Variants in PKD2L2 observed in about 807,000 individuals in gnomAD.
The protein encoded by PKD2L2 is polycystin 2 like 2, transient receptor potential cation channel.
Under a neutral mutation model 83.9 loss-of-function variants are expected in PKD2L2, and 67 were observed. The observed-to-expected ratio is 0.80, with a 90% CI of 0.66 to 0.98. PKD2L2 has a LOEUF of 0.98. PKD2L2 is among the 50% of genes least tolerant of loss of function. The pLI is 0.00. For missense variants in PKD2L2, 632 were observed against 717.2 expected (o/e 0.88, Z 1.36); for synonymous variants, 223 against 237.8 (o/e 0.94, Z 0.57).
intron 4 of PKD2L2, among the ~76,000 whole-genome samples, chr5:137,898,805 C>T (rs2150008076): frequency 6.6e-6 from 1 of 151,832 alleles, no homozygotes. Flanking sequence ...AATCATAGCT[C>T]AGTGCGGCCT....
intron 14 of PKD2L2, chr5:137,939,985 CAT>C (rs966757137): frequency 1.4e-5 from 22 of 1,563,870 alleles, no homozygotes; most frequent in South Asian, 2.4e-5. Flanking sequence ...TGAAGTAAAC[CAT>C]ATGTTTGCTA....
Position 137,907,744 on chromosome 5 carries a change from G to C in PKD2L2, c.978G>C (p.Leu326Phe). ...WNWLELLLLLLCFVAVSFNTY... is the reference protein window; with the variant it reads ...WNWLELLLLLFCFVAVSFNTY... ...ACCCTTCTTATTTTCCCATTTAGTTGTGTTTTGTGGCTGTTTCCTTCAACA... is the reference window on the plus strand; with the variant it reads ...ACCCTTCTTATTTTCCCATTTAGTTCTGTTTTGTGGCTGTTTCCTTCAACA... The change falls in exon 7 of 15, where the codon TTG becomes TTC. Residue 326 changes from leucine to phenylalanine, a missense_variant and splice_region_variant. Leu to Phe is a conservative substitution (Grantham distance 22, BLOSUM62 0). Transcript: ENST00000508883. The C allele has an allele frequency of 2.7e-6, 4 of 1,486,938 alleles. No individual in the cohort carries two copies. The highest frequency in any genetic ancestry group is 3.6e-6 in the Non-Finnish European group (4 of 1,108,916). 92.1% of individuals were successfully genotyped at this position (1,486,938 alleles called of 1,614,324 possible).
intron 4 of PKD2L2, among the ~76,000 whole-genome samples, chr5:137,894,868 G>A (rs1756308450): frequency 6.6e-6 from 1 of 152,064 alleles, no homozygotes; most frequent in Non-Finnish European, 1.5e-5. Flanking sequence ...TTGGACACAG[G>A]GCAAAGCATC....
intron 8 of PKD2L2, among the ~76,000 whole-genome samples, chr5:137,913,872 T>C (rs1434509952): frequency 7.1e-6 from 1 of 140,810 alleles, no homozygotes; most frequent in Admixed American, 7.2e-5. Context: ...TTTCTTTTCC[T>C]TTTTTTTTTT....
chr5:137,940,154 G>A (rs1761210669), intron 14 of PKD2L2: 1 of 1,613,324 alleles, frequency 6.2e-7, no homozygotes, highest in Non-Finnish European at 8.5e-7. Context: ...TTAAGTACCA[G>A]CCAAGTACAC....
chr5:137,920,186 A>G (rs763634597), intron 8 of PKD2L2, among the ~76,000 whole-genome samples: 9 of 152,174 alleles, frequency 5.9e-5, no homozygotes, highest in Non-Finnish European at 7.3e-5. Context: ...CTGCGTGATA[A>G]GAGTGAAACA....
In PKD2L2 at chr5:137,894,386, T is replaced by G; in HGVS notation, c.301T>G (p.Trp101Gly). Reference protein sequence around the residue: ...MEGPLLEGLYWDSWYNNQQLY... With the variant: ...MEGPLLEGLYGDSWYNNQQLY... Reference sequence around the variant, plus strand: ...AGGACCCCTTTTGGAAGGTCTGTACTGGGATTCATGGTACAATAACCAGCA... The same window carrying G: ...AGGACCCCTTTTGGAAGGTCTGTACGGGGATTCATGGTACAATAACCAGCA... The change falls in exon 4 of 15, where the codon TGG becomes GGG. Residue 101 changes from tryptophan (W) to glycine (G), a missense_variant. This residue lies in a region of PKD2L2 where 229 missense variants were observed against 281.5 expected (regional missense o/e 0.81). Coordinates refer to ENST00000508883, the MANE Select transcript of PKD2L2 (RefSeq NM_001300921.2). 1 of 1,610,536 alleles carries G rather than the reference T, an allele frequency of 6.2e-7. No individual in the cohort carries two copies. Among genetic ancestry groups the G allele is most frequent in the Non-Finnish European group, 8.5e-7 (1 of 1,179,064 alleles).
intron 12 of PKD2L2, among the ~76,000 whole-genome samples, chr5:137,932,364 C>G (rs1357951082): frequency 6.6e-6 from 1 of 151,362 alleles, no homozygotes; most frequent in African/African-American, 2.4e-5. Context: ...AAAAAAGACA[C>G]AAAAATACAC....
At chr5:137,906,177 C>G in intron 5 of PKD2L2, 29 bp from the exon 6 acceptor site, 1 of 1,290,350 alleles carries the variant, frequency 7.7e-7, no homozygotes, top group Non-Finnish European at 1.1e-6. Flanking sequence ...TTGAAATGAA[C>G]AGTTGCTTTC....
rs1414980097 is a variant in PKD2L2 at position 137,921,647 on chromosome 5, T to G, written c.1340T>G (p.Phe447Cys). The G allele has an allele frequency of 6.3e-7, 1 of 1,588,736 alleles. No homozygotes were observed. Among genetic ancestry groups the G allele is most frequent in the African/African-American group, 1.4e-5 (1 of 73,958 alleles). The change falls in exon 9 of 15, where the codon TTT becomes TGT. Residue 447 changes from phenylalanine to cysteine, a missense_variant. Coordinates refer to ENST00000508883, the MANE Select transcript of PKD2L2 (RefSeq NM_001300921.2). ...TTTCTTTCTTAAAGATTTGCACAAT[T>G]TCGAATTGTTCTTGGAGATTTTAAT... ...STFQNSIFAQ[F>C]RIVLGDFNFA... is the part of the protein sequence containing the mutation.
chr5:137,941,247 T>C (rs945377120), intron 14 of PKD2L2, among the ~76,000 whole-genome samples: 3 of 152,124 alleles, frequency 2.0e-5, no homozygotes, highest in South Asian at 2.1e-4. Context: ...CCAACCTATA[T>C]AGGAGACTCA....
At position 137,916,475 on chromosome 5, in the gene PKD2L2, C is replaced by CTTTT. The variant is rs1169529107; in HGVS notation, c.1329-5142_1329-5139dup. On this transcript the variant is annotated intron_variant, in intron 8 of 14. Transcript: ENST00000508883. ...AAGATTCTTAATTGCCACTTTTCTT[C>CTTTT]TTTTTTTTTTTTTTTTTTTTTTGAG... 9.4e-3 allele frequency among the ~76,000 whole-genome samples: 870 copies of CTTTT among 93,036 alleles called. 2 individuals carry two copies. Among genetic ancestry groups the CTTTT allele is most frequent in the Non-Finnish European group, 0.012 (588 of 49,990 alleles). The allele number at this position is 93,036 out of a possible 152,430, so 61.0% of individuals were successfully genotyped here.
chr5:137,937,867 G>A (rs1760610938), intron 14 of PKD2L2: 2 of 151,332 alleles, frequency 1.3e-5, no homozygotes. Context: ...CCCTGGGTGG[G>A]ATCATTTAAA....
Position 137,909,022 on chromosome 5 carries a change from T to A in PKD2L2, c.1328+76T>A, listed in dbSNP as rs549854202. ...AAAATTGGAAAGGTCTAACCTTCTA[T>A]GATAAGTAGTAATATAAGCTTTAAT... On this transcript the variant is annotated intron_variant, in intron 8 of 14. Transcript: ENST00000508883. 1.2e-4 allele frequency: 93 copies of A among 753,790 alleles called. No individual in the cohort carries two copies. The African/African-American group carries it at 1.6e-3, about 13-fold the overall frequency. The allele number at this position is 753,790 out of a possible 1,614,324, so 46.7% of individuals were successfully genotyped here.
intron 4 of PKD2L2, among the ~76,000 whole-genome samples, chr5:137,899,158 C>T (rs1189411361): frequency 6.6e-6 from 1 of 152,030 alleles, no homozygotes; most frequent in East Asian, 1.9e-4. Context: ...TGGCTCTTTG[C>T]CTGGGCTGGA....
At position 137,894,512 on chromosome 5, in the gene PKD2L2, G is replaced by A; in HGVS notation, c.427G>A (p.Val143Ile). The A allele has an allele frequency of 6.2e-7, 1 of 1,613,824 alleles. No homozygotes were observed. The highest frequency in any genetic ancestry group is 8.5e-7 in the Non-Finnish European group (1 of 1,179,760). Residue 143 changes from valine (V) to isoleucine (I), a missense_variant, in exon 4 of 15, where the codon GTC becomes ATC. Val to Ile is a conservative substitution (Grantham distance 29, BLOSUM62 3). Transcript: ENST00000508883. ...QLKVRNNTCK[V>I]YSSFQSLMSE... ...AAAAGTCCGCAACAACACATGCAAA[G>A]TCTATTCATCTTTTCAGTCTTTGAT...
intron 12 of PKD2L2, among the ~76,000 whole-genome samples, chr5:137,934,525 A>C (rs1235247808): frequency 1.3e-5 from 2 of 152,076 alleles, no homozygotes; most frequent in Admixed American, 1.3e-4. Flanking sequence ...ATGTTCGTTT[A>C]AGGCTGGGCG....
At chr5:137,939,730 T>C in intron 14 of PKD2L2, 1 of 452,424 alleles carries the variant, frequency 2.2e-6, no homozygotes, top group Non-Finnish European at 3.0e-6. Flanking sequence ...GATTTTGGTT[T>C]TCTAGGAAAA....
Position 137,890,500 on chromosome 5 carries a change from G to T in PKD2L2, c.51G>T (p.Leu17Phe), listed in dbSNP as rs377411026. The T allele has an allele frequency of 1.2e-5, 19 of 1,582,414 alleles. 1 individual carries two copies. In the African/African-American group the frequency reaches 2.4e-4, roughly 20 times the overall value. ...WHRGGASKHK[L>F]HYRKEVEITT... is the part of the protein sequence containing the mutation. ...TCACAGGGGCTTCGAAACATAAGTT[G>T]CATTACAGAAAGGAAGTAGAAATTA... Residue 17 changes from leucine (L) to phenylalanine (F), a missense_variant, in exon 2 of 15, where the codon TTG (leucine) becomes TTT (phenylalanine). Leu to Phe is a conservative substitution (Grantham distance 22, BLOSUM62 0). Transcript: ENST00000508883.
Sources: allele counts gnomAD v4.1 joint callset (sites outside exome capture counted in the v4.1 genomes callset), GRCh38; gene constraint gnomAD v4.1.1; regional missense constraint gnomAD v4.1.1; transcripts MANE v1.5; gene names NCBI Gene and HGNC (gene_info 2026-07-23, HGNC 2026-07-21).